Variants in RNF11 observed in about 807,000 individuals in gnomAD.
The protein encoded by RNF11 is ring finger protein 11.
In RNF11, 4 loss-of-function variants were observed where a neutral mutation model predicts 15.8. The observed-to-expected ratio is 0.25, with a 90% CI of 0.12 to 0.58. The LOEUF (loss-of-function observed/expected upper bound fraction) is 0.58. Among genes scored for constraint, RNF11 ranks in the 20% least tolerant of loss-of-function variants. The pLI is 0.91. For missense variants in RNF11, 139 were observed against 194.4 expected, an observed-to-expected ratio of 0.71 and a Z score of 1.70; for synonymous variants, 68 against 72.3, an observed-to-expected ratio of 0.94 and a Z score of 0.30.
chr1:51,255,493 T>TC (rs1265064616), intron 1 of RNF11, among the ~76,000 whole-genome samples: 1 of 152,234 alleles, frequency 6.6e-6, no homozygotes, highest in Non-Finnish European at 1.5e-5. Context: ...TTCCTGGGCT[T>TC]AAGCAATTCT....
Position 51,252,805 on chromosome 1 carries a change from TTG to T in RNF11, c.123+15956_123+15957del, listed in dbSNP as rs145075866. On this transcript the variant is annotated intron_variant, in intron 1 of 2. Coordinates refer to ENST00000242719, the MANE Select transcript of RNF11 (RefSeq NM_014372.5). ...TCTTTTGTGAAGTCTTTTGTCCAGT[TTG>T]TGTGTGTGTGTGTGTGTGTGTGTGT... Among the ~76,000 whole-genome samples, 483 of 143,546 alleles carry T rather than the reference TTG, an allele frequency of 3.4e-3. 1 individual carries two copies. Among genetic ancestry groups the T allele is most frequent in the Middle Eastern group, 7.2e-3 (2 of 276 alleles). 94.2% of individuals were successfully genotyped at this position (143,546 alleles called of 152,430 possible).
chr1:51,251,209 A>G, intron 1 of RNF11: 1 of 1,390,874 alleles, frequency 7.2e-7, no homozygotes, highest in Non-Finnish European at 1.0e-6. Context: ...ATGATCTCTG[A>G]TTCCTTAATG....
intron 1 of RNF11, among the ~76,000 whole-genome samples, chr1:51,246,264 T>C (rs1646851221): frequency 6.6e-6 from 1 of 151,524 alleles, no homozygotes; most frequent in African/African-American, 2.4e-5. Flanking sequence ...AAACTCCATC[T>C]CAACAACAAC....
intron 1 of RNF11, among the ~76,000 whole-genome samples, chr1:51,242,090 C>T (rs1225215576): frequency 6.6e-6 from 1 of 152,110 alleles, no homozygotes; most frequent in Non-Finnish European, 1.5e-5. Flanking sequence ...TTGATTGATA[C>T]ATTTGAAATT....
At chr1:51,238,842 G>A (rs2148063609) in intron 1 of RNF11, among the ~76,000 whole-genome samples, 1 of 152,176 alleles carries the variant, frequency 6.6e-6, no homozygotes, top group East Asian at 1.9e-4. Flanking sequence ...CGATTCTCCT[G>A]CCTCAGCCTC....
intron 1 of RNF11, among the ~76,000 whole-genome samples, chr1:51,262,715 C>CTTTTTTTT (rs35542254): frequency 3.9e-3 from 324 of 84,126 alleles, no homozygotes; most frequent in African/African-American, 6.9e-3. Flanking sequence ...GCCTGCTAAT[C>CTTTTTTTT]TTTTTTTTTT....
At chr1:51,254,972 A>G (rs554979045) in intron 1 of RNF11, among the ~76,000 whole-genome samples, 3 of 152,312 alleles carry the variant, frequency 2.0e-5, no homozygotes, top group East Asian at 1.9e-4. Flanking sequence ...TCTTTTCATT[A>G]TAGGCTCTTT....
In RNF11 at chr1:51,251,440, G is replaced by GCC. The variant is rs374786560; in HGVS notation, c.123+14569_123+14570dup. 2.7e-4 allele frequency: 215 copies of GCC among 794,412 alleles called. 1 individual carries two copies. The highest frequency in any genetic ancestry group is 1.9e-3 in the African/African-American group (104 of 56,208). 49.2% of individuals were successfully genotyped at this position (794,412 alleles called of 1,614,324 possible). On this transcript the variant is annotated intron_variant, in intron 1 of 2. Transcript: ENST00000242719. Reference sequence around the variant, plus strand: ...CAGTTCCCCATCCCAGGGCCTCCGGGCCCCCCCCCGCTGCACTGGTGTCAT... The same window carrying GCC: ...CAGTTCCCCATCCCAGGGCCTCCGGGCCCCCCCCCCCGCTGCACTGGTGTCAT...
chr1:51,255,606 C>G (rs1442610170), intron 1 of RNF11, among the ~76,000 whole-genome samples: 1 of 152,172 alleles, frequency 6.6e-6, no homozygotes, highest in Non-Finnish European at 1.5e-5. Flanking sequence ...GTGATTAATC[C>G]TGATAAAAAC....
At chr1:51,240,248 C>T (rs372631310) in intron 1 of RNF11, among the ~76,000 whole-genome samples, 10 of 152,190 alleles carry the variant, frequency 6.6e-5, no homozygotes, top group South Asian at 2.1e-4. Context: ...TTGTTGGCTT[C>T]CCTCCAGCTT....
chr1:51,258,560 G>A (rs185282843), intron 1 of RNF11, among the ~76,000 whole-genome samples: 149 of 152,268 alleles, frequency 9.8e-4, no homozygotes, highest in African/African-American at 3.5e-3. Flanking sequence ...AATGAAATGG[G>A]TCTTCTAAAA....
chr1:51,272,349 C>G lies in RNF11; in HGVS notation c.*1027C>G, dbSNP rs940389033. 2 of 152,556 alleles carry G rather than the reference C, an allele frequency of 1.3e-5. No homozygotes were observed. The highest frequency in any genetic ancestry group is 4.8e-5 in the African/African-American group (2 of 41,436). The allele number at this position is 152,556 out of a possible 1,614,324, so 9.5% of individuals were successfully genotyped here. On this transcript the variant is annotated 3_prime_UTR_variant, in exon 3 of 3. Coordinates refer to ENST00000242719, the MANE Select transcript of RNF11 (RefSeq NM_014372.5). ...TACTGCATCTCTCATTACTGTAGTGCTGAGGTTATTGAAGTTATACAAAAC... is the reference window on the plus strand; with the variant it reads ...TACTGCATCTCTCATTACTGTAGTGGTGAGGTTATTGAAGTTATACAAAAC...
At chr1:51,255,945 T>C (rs887988368) in intron 1 of RNF11, among the ~76,000 whole-genome samples, 2 of 152,216 alleles carry the variant, frequency 1.3e-5, no homozygotes, top group Admixed American at 6.5e-5. Context: ...ATGGCTATTC[T>C]TAGTCCCTTG....
At chr1:51,253,072 G>A (rs146833682) in intron 1 of RNF11, among the ~76,000 whole-genome samples, 4,702 of 151,998 alleles carry the variant, frequency 0.031, 106 homozygotes, top group African/African-American at 0.059. Context: ...TGATCCGCCC[G>A]CCTCTGCCTC....
rs375733349 is a variant in RNF11 at position 51,246,841 on chromosome 1, C to A, written c.123+9962C>A. ...TGAACTATACACTGAAAAATTGGAG[C>A]TGGGCTTGTGCCTGTGGTCCCAGTT... On this transcript the variant is annotated intron_variant, in intron 1 of 2. Transcript: ENST00000242719. Among the ~76,000 whole-genome samples the A allele has an allele frequency of 2.0e-4, 31 of 151,938 alleles. No homozygotes were observed. In the East Asian group the frequency reaches 5.4e-3, roughly 27 times the overall value.
At chr1:51,242,842 G>A (rs1646836349) in intron 1 of RNF11, among the ~76,000 whole-genome samples, 1 of 152,082 alleles carries the variant, frequency 6.6e-6, no homozygotes, top group Non-Finnish European at 1.5e-5. Context: ...TTTTTTATTA[G>A]CATTTTGTTT....
intron 1 of RNF11, 142 bp downstream of exon 1, chr1:51,237,021 T>A: frequency 1.8e-6 from 2 of 1,116,728 alleles, no homozygotes; most frequent in Non-Finnish European, 2.5e-6. Flanking sequence ...TCTGAGGGCA[T>A]TTGCTCTCTG....
At chr1:51,264,618 G>C (rs1267484373) in intron 1 of RNF11, among the ~76,000 whole-genome samples, 5 of 152,148 alleles carry the variant, frequency 3.3e-5, no homozygotes, top group Non-Finnish European at 1.5e-5. Context: ...AGAAGGATCA[G>C]AAGAGCTGGC....
At chr1:51,256,563 C>G (rs2148070701) in intron 1 of RNF11, among the ~76,000 whole-genome samples, 1 of 152,290 alleles carries the variant, frequency 6.6e-6, no homozygotes, top group East Asian at 1.9e-4. Context: ...TTTTCAACTC[C>G]TTTGGGTAAA....
Sources: allele counts gnomAD v4.1 joint callset (sites outside exome capture counted in the v4.1 genomes callset), GRCh38; gene constraint gnomAD v4.1.1; transcripts MANE v1.5; gene names NCBI Gene and HGNC (gene_info 2026-07-23, HGNC 2026-07-21).